SOX5: variants seen among roughly 807,000 people sequenced by gnomAD.
SOX5 encodes the protein transcription factor SOX-5.
SOX5 carries 9 observed loss-of-function variants against 92.0 expected under a neutral mutation model. That is an observed-to-expected ratio of 0.10 (90% CI 0.06 to 0.17). The LOEUF is 0.17. SOX5 is among the 10% of genes least tolerant of loss of function. The pLI is 1.00. For synonymous variants in SOX5, 344 were observed against 336.3 expected (o/e 1.02, Z -0.25); for missense variants, 642 against 944.5 (o/e 0.68, Z 4.20).
chr12:23,588,471 C>T lies in SOX5; in HGVS notation c.1165-12633G>A, dbSNP rs555110536. 3.5e-4 allele frequency among the ~76,000 whole-genome samples: 53 copies of T among 151,974 alleles called. No homozygotes were observed. The South Asian group carries it at 0.01, about 29-fold the overall frequency. On this transcript the variant is annotated intron_variant, in intron 9 of 14. Transcript: ENST00000451604. ...TGTAGTGAAACTCAGCTGTAATGCT[C>T]GTTTAATTTTTCCCAGCCCATAACA...
At chr12:24,505,874 C>CGCACGTGTGTGTGTGTGTGT (rs1948694050) in intron 1 of SOX5, among the ~76,000 whole-genome samples, 2 of 148,018 alleles carry the variant, frequency 1.4e-5, no homozygotes, top group Non-Finnish European at 3.0e-5. Flanking sequence ...TGTGTGTGTG[C>CGCACGTGTGTGTGTGTGTGT]GCATCACTGC....
At chr12:23,704,687 C>CATATATATAT (rs376550773) in intron 6 of SOX5, among the ~76,000 whole-genome samples, 9,955 of 89,356 alleles carry the variant, frequency 0.11, 834 homozygotes, top group East Asian at 0.15. Context: ...TATATGCATG[C>CATATATATAT]ATATATATAT....
At chr12:24,114,573 C>CA (rs55913110) in intron 4 of SOX5, among the ~76,000 whole-genome samples, 5,307 of 40,430 alleles carry the variant, frequency 0.13, 1,038 homozygotes, top group East Asian at 0.17. Flanking sequence ...CACCCCGTCA[C>CA]AAAAAAAAAA....
chr12:24,043,087 C>T (rs1428503302), intron 4 of SOX5, among the ~76,000 whole-genome samples: 2 of 152,098 alleles, frequency 1.3e-5, no homozygotes, highest in African/African-American at 2.4e-5. Flanking sequence ...TTTTGAGGTT[C>T]ATATTGTGTT....
At chr12:24,102,254 A>T (rs1946176914) in intron 4 of SOX5, among the ~76,000 whole-genome samples, 1 of 152,122 alleles carries the variant, frequency 6.6e-6, no homozygotes, top group South Asian at 2.1e-4. Context: ...AGGAGGAAAA[A>T]GTGATGGCAG....
rs114385999 is a variant in SOX5, at chr12:24,507,176, A to G, written c.-251+55153T>C. ...TAATTGATTTAGGCAATAATCATCA[A>G]TGGATTAAACCATTGGTTCCTCAAC... On this transcript the variant is annotated intron_variant, in intron 1 of 4. Transcript: ENST00000446891. Among the ~76,000 whole-genome samples, 566 of 152,174 alleles carry G rather than the reference A, an allele frequency of 3.7e-3. 4 individuals are homozygous for G. The highest frequency in any genetic ancestry group is 0.012 in the African/African-American group (508 of 41,518).
intron 4 of SOX5, among the ~76,000 whole-genome samples, chr12:24,190,504 G>A (rs1403325252): frequency 6.6e-6 from 1 of 152,188 alleles, no homozygotes. Flanking sequence ...GGCAAGATGT[G>A]GAAAAGGTGG....
chr12:23,979,075 C>G (rs1223699313), intron 4 of SOX5, among the ~76,000 whole-genome samples: 1 of 152,048 alleles, frequency 6.6e-6, no homozygotes. Context: ...TTTTCTTCAC[C>G]TCTCCTCCTC....
intron 2 of SOX5, among the ~76,000 whole-genome samples, chr12:24,323,914 T>TG (rs1363658049): frequency 1.3e-5 from 2 of 152,078 alleles, no homozygotes; most frequent in Non-Finnish European, 1.5e-5. Flanking sequence ...CTAAATTTCT[T>TG]GGGGAAAATG....
At chr12:24,509,316 C>G (rs555474294) in intron 1 of SOX5, among the ~76,000 whole-genome samples, 47 of 152,204 alleles carry the variant, frequency 3.1e-4, no homozygotes, top group Non-Finnish European at 5.6e-4. Flanking sequence ...TGCTGGACTT[C>G]TGCTATACTC....
intron 4 of SOX5, among the ~76,000 whole-genome samples, chr12:24,106,042 A>T (rs1280907342): frequency 6.6e-6 from 1 of 151,616 alleles, no homozygotes; most frequent in African/African-American, 2.4e-5. Flanking sequence ...TATAAAAAAC[A>T]GAAACTATAA....
intron 4 of SOX5, among the ~76,000 whole-genome samples, chr12:24,033,940 G>T (rs548609362): frequency 2.6e-4 from 39 of 152,112 alleles, no homozygotes; most frequent in Middle Eastern, 3.4e-3. Flanking sequence ...GTCATCTGAA[G>T]ACAGCGTTTT....
upstream of SOX5, chr12:23,950,852 G>A: frequency 2.6e-6 from 4 of 1,523,952 alleles, no homozygotes; most frequent in Non-Finnish European, 3.5e-6. Flanking sequence ...CATACACACA[G>A]AGAGAGAGAC....
At chr12:23,790,443 C>T (rs756723334) in intron 3 of SOX5, among the ~76,000 whole-genome samples, 85 of 151,900 alleles carry the variant, frequency 5.6e-4, no homozygotes, top group Non-Finnish European at 1.1e-3. Context: ...TGATGTCACA[C>T]TCTTAATTCT....
intron 6 of SOX5, among the ~76,000 whole-genome samples, chr12:23,719,394 A>T (rs768501915): frequency 3.9e-5 from 6 of 152,196 alleles, no homozygotes; most frequent in Non-Finnish European, 8.8e-5. Flanking sequence ...AGCTCTCCTC[A>T]TAACTATAAA....
At chr12:23,862,028 T>C (rs1216190804) in intron 2 of SOX5, among the ~76,000 whole-genome samples, 2 of 152,190 alleles carry the variant, frequency 1.3e-5, no homozygotes, top group Non-Finnish European at 2.9e-5. Flanking sequence ...CCCTTGGTTC[T>C]AACAGAAGTA....
chr12:24,002,060 C>G (rs572650273), intron 4 of SOX5, among the ~76,000 whole-genome samples: 1 of 151,910 alleles, frequency 6.6e-6, no homozygotes, highest in Non-Finnish European at 1.5e-5. Flanking sequence ...TAAAGTAGTG[C>G]TTTGGGAAAA....
chr12:24,541,377 T>C (rs1211660313), intron 1 of SOX5, among the ~76,000 whole-genome samples: 3 of 152,220 alleles, frequency 2.0e-5, no homozygotes, highest in Non-Finnish European at 4.4e-5. Context: ...GAAATGTCCA[T>C]GACATTGCAT....
chr12:24,432,273 T>C (rs540831077), intron 1 of SOX5, among the ~76,000 whole-genome samples: 1 of 152,312 alleles, frequency 6.6e-6, no homozygotes, highest in Non-Finnish European at 1.5e-5. Flanking sequence ...GTGCTTCACA[T>C]CCTTGTCCAT....
Sources: allele counts gnomAD v4.1 joint callset (sites outside exome capture counted in the v4.1 genomes callset), GRCh38; gene constraint gnomAD v4.1.1; transcripts MANE v1.5; gene names NCBI Gene and HGNC (gene_info 2026-07-23, HGNC 2026-07-21).